DNAH5: variants seen among roughly 807,000 people sequenced by gnomAD.
The protein encoded by DNAH5 is axonemal beta dynein heavy chain 5.
DNAH5 carries 372 observed loss-of-function variants against 518.2 expected under a neutral mutation model. The observed-to-expected ratio is 0.72, with a 90% CI of 0.66 to 0.78. DNAH5 has a LOEUF of 0.78. Ranked by LOEUF, DNAH5 falls within the 30% of genes least tolerant of loss-of-function variation. DNAH5 has a pLI of 0.00. For missense variants in DNAH5, 5,523 were observed against 5,687.0 expected, an observed-to-expected ratio of 0.97 and a Z score of 0.93; for synonymous variants, 2,039 against 2,025.9, an observed-to-expected ratio of 1.01 and a Z score of -0.17.
At chr5:13,999,982 T>C (rs908227686) in intron 1 of DNAH5, among the ~76,000 whole-genome samples, 4 of 152,230 alleles carry the variant, frequency 2.6e-5, no homozygotes, top group Non-Finnish European at 5.9e-5. Context: ...GAATTCACAC[T>C]AACAGAGAAA....
intron 61 of DNAH5, among the ~76,000 whole-genome samples, chr5:13,758,315 C>T (rs1751292642): frequency 6.6e-6 from 1 of 151,992 alleles, no homozygotes; most frequent in South Asian, 2.1e-4. Flanking sequence ...CCAGCCTGGG[C>T]AATATGGTGA....
At chr5:13,762,652 TA>T in intron 60 of DNAH5, 69 bp downstream of exon 60, 1 of 1,425,824 alleles carries the variant, frequency 7.0e-7, no homozygotes, top group Non-Finnish European at 9.9e-7. Context: ...TGTGCTCCTG[TA>T]AAGATAAGAC....
At chr5:13,747,610 T>TTTTGA (rs1749576350) in intron 65 of DNAH5, among the ~76,000 whole-genome samples, 1 of 152,210 alleles carries the variant, frequency 6.6e-6, no homozygotes, top group Non-Finnish European at 1.5e-5. Context: ...CTCATTGTGG[T>TTTTGA]TTTGATTTGC....
chr5:13,777,486 C>T, intron 53 of DNAH5, 131 bp from the exon 54 acceptor site: 1 of 686,064 alleles, frequency 1.5e-6, no homozygotes, highest in Non-Finnish European at 2.5e-6. Context: ...CGTATGTATT[C>T]TATATGAATG....
chr5:13,720,867 A>AG (rs1040526842), intron 71 of DNAH5, 133 bp downstream of exon 71: 11 of 1,305,740 alleles, frequency 8.4e-6, no homozygotes, highest in South Asian at 5.6e-5. Context: ...AATTTAAAAA[A>AG]AAAACGCTGT....
At chr5:13,860,824 C>G (rs1193107074) in intron 29 of DNAH5, among the ~76,000 whole-genome samples, 1 of 152,200 alleles carries the variant, frequency 6.6e-6, no homozygotes, top group Non-Finnish European at 1.5e-5. Context: ...CTCTTCTTCT[C>G]TTTCTTATCC....
At chr5:13,912,411 GTGTA>G (rs1417172717) in intron 11 of DNAH5, among the ~76,000 whole-genome samples, 4 of 151,554 alleles carry the variant, frequency 2.6e-5, no homozygotes, top group Non-Finnish European at 4.4e-5. Context: ...GAAATTGTGT[GTGTA>G]TGTATATATA....
intron 65 of DNAH5, among the ~76,000 whole-genome samples, chr5:13,748,607 T>A (rs1183213408): frequency 6.6e-6 from 1 of 152,188 alleles, no homozygotes; most frequent in Non-Finnish European, 1.5e-5. Flanking sequence ...CCCTTGTAAG[T>A]TGGATTCCCA....
intron 55 of DNAH5, among the ~76,000 whole-genome samples, chr5:13,774,856 A>T (rs1753848522): frequency 6.6e-6 from 1 of 152,194 alleles, no homozygotes; most frequent in Non-Finnish European, 1.5e-5. Flanking sequence ...AAAGAGCTTC[A>T]TATGTAAATC....
At position 13,850,771 on chromosome 5, in the gene DNAH5, G is replaced by A. The variant is rs748438142; in HGVS notation, c.4995C>T (p.Ile1665=). The part of the protein sequence containing the change: ...FSNIDKSWVK[I]MTRAHEVPSV... ...TGGGCACTTCATGTGCCCGAGTCAT[G>A]ATCTTCACCCAAGATTTATCTATGT... Residue 1665 remains isoleucine (I), a synonymous_variant, in exon 31 of 79, where the codon ATC becomes ATT. Coordinates refer to ENST00000265104, the MANE Select transcript of DNAH5 (RefSeq NM_001369.3). 8.7e-6 allele frequency: 14 copies of A among 1,614,040 alleles called. No homozygotes were observed. The highest frequency in any genetic ancestry group is 5.3e-5 in the African/African-American group (4 of 74,934).
At chr5:13,945,586 T>G (rs1779843893), upstream of DNAH5, among the ~76,000 whole-genome samples, 1 of 151,954 alleles carries the variant, frequency 6.6e-6, no homozygotes, top group Non-Finnish European at 1.5e-5. Context: ...CACAGGAAGT[T>G]TAAGTTTGTT....
rs185878047 is a variant in DNAH5 at position 13,936,941 on chromosome 5, A to G, written c.58-5697T>C. 7.1e-4 allele frequency among the ~76,000 whole-genome samples: 108 copies of G among 152,146 alleles called. 1 individual carries two copies. In the East Asian group the frequency reaches 0.015, roughly 22 times the overall value. On this transcript the variant is annotated intron_variant, in intron 1 of 78. Transcript: ENST00000265104. ...CTTTTCCCAGACCCTCCTGAAGTGT[A>G]TATTTTGCATTGTTTGCCCTGGTTG... is the stretch of plus-strand genomic sequence containing the variant.
rs754787543 is a variant in DNAH5 at position 13,817,604 on chromosome 5, T to G, written c.6932A>C (p.Asp2311Ala). 1.9e-6 allele frequency: 3 copies of G among 1,614,082 alleles called. No individual in the cohort carries two copies. The highest frequency in any genetic ancestry group is 1.7e-5 in the Admixed American group (1 of 60,002). Residue 2311 changes from aspartate (D) to alanine (A), a missense_variant, in exon 42 of 79, where the codon GAC (aspartate) becomes GCC (alanine). Physicochemically the swap from Asp to Ala is moderately radical, Grantham distance 126 (BLOSUM62 -2). Transcript: ENST00000265104. ...CGTAGAAAATATCCCATCAGTCCAG[T>G]CATTTGTGGCAACGTCCAGCCGACC... ...MFGRLDVATNDWTDGIFSTLW... is the reference protein window; with the variant it reads ...MFGRLDVATNAWTDGIFSTLW...
At chr5:13,736,000 C>A (rs545603453) in intron 66 of DNAH5, 68 bp from the exon 67 acceptor site, 1 of 1,274,562 alleles carries the variant, frequency 7.8e-7, no homozygotes, top group Non-Finnish European at 1.1e-6. Context: ...GCAAAGAGAT[C>A]AGCCTAAACT....
At position 13,691,885 on chromosome 5, in the gene DNAH5, G is replaced by A. The variant is rs779043106; in HGVS notation, c.*99C>T. 72 of 1,470,302 alleles carry A rather than the reference G, an allele frequency of 4.9e-5. No individual in the cohort carries two copies. Among genetic ancestry groups the A allele is most frequent in the Non-Finnish European group, 5.6e-5 (59 of 1,057,266 alleles). 91.1% of individuals were successfully genotyped at this position (1,470,302 alleles called of 1,614,324 possible). On this transcript the variant is annotated 3_prime_UTR_variant, in exon 79 of 79. Transcript: ENST00000265104. ...TATGCAGCTCATTAATTGCATAAAC[G>A]ACCTAACATACACTGTCCAGCAGTC... is the stretch of plus-strand genomic sequence containing the variant.
intron 1 of DNAH5, among the ~76,000 whole-genome samples, chr5:13,943,917 T>C (rs893053890): frequency 2.0e-5 from 3 of 152,344 alleles, no homozygotes; most frequent in Non-Finnish European, 4.4e-5. Context: ...CATTCTTCAA[T>C]GTGATTTCCA....
At chr5:13,979,842 G>A (rs1479020947) in intron 1 of DNAH5, among the ~76,000 whole-genome samples, 1 of 135,818 alleles carries the variant, frequency 7.4e-6, no homozygotes, top group African/African-American at 2.7e-5. Context: ...GTTTTTTGGG[G>A]TTTTTTTTTT....
At position 13,814,717 on chromosome 5, in the gene DNAH5, C is replaced by T; in HGVS notation, c.7118G>A (p.Cys2373Tyr). The stretch of plus-strand genomic sequence containing the variant: ...GTTATGAGGCTCGAAAATGATCTTG[C>T]AGTTTGGAGCCATGGGAATCCGATC... Reference protein sequence around the residue: ...NGDRIPMAPNCKIIFEPHNID... With the variant: ...NGDRIPMAPNYKIIFEPHNID... The change falls in exon 43 of 79, where the codon TGC (cysteine) becomes TAC (tyrosine). Residue 2373 changes from cysteine (C) to tyrosine (Y), a missense_variant. By Grantham distance (194) the Cys-to-Tyr change is radical. Coordinates refer to ENST00000265104, the MANE Select transcript of DNAH5 (RefSeq NM_001369.3). 1 of 1,614,034 alleles carries T rather than the reference C, an allele frequency of 6.2e-7. No individual in the cohort carries two copies.
chr5:13,837,848 G>C (rs953260949), intron 35 of DNAH5, among the ~76,000 whole-genome samples: 1 of 151,858 alleles, frequency 6.6e-6, no homozygotes, highest in Non-Finnish European at 1.5e-5. Context: ...CTATGGCCAC[G>C]TGCCACCATG....
Sources: gnomAD v4.1 joint callset for allele counts (sites outside exome capture counted in the v4.1 genomes callset) on GRCh38, gnomAD v4.1.1 for gene constraint, MANE v1.5 for transcripts, NCBI Gene and HGNC (gene_info 2026-07-23, HGNC 2026-07-21) for gene names.